Variants in SAMD3 observed in about 807,000 individuals in gnomAD.
SAMD3 encodes sterile alpha motif domain containing 3.
A neutral mutation model predicts 58.5 loss-of-function variants in SAMD3; 63 were observed. The ratio of observed to expected loss-of-function variants is 1.08; its 90% CI spans 0.88 to 1.33. The LOEUF is 1.33. Ranked by LOEUF, SAMD3 falls within the 40% of genes most tolerant of loss-of-function variation. The pLI, the probability that SAMD3 is intolerant of heterozygous loss-of-function variation, is 0.00. For synonymous variants in SAMD3, 220 were observed against 210.3 expected, an observed-to-expected ratio of 1.05 and a Z score of -0.40; for missense variants, 604 against 608.4, an observed-to-expected ratio of 0.99 and a Z score of 0.08.
chr6:130,325,259 T>C (rs1431757560), intron 1 of SAMD3, among the ~76,000 whole-genome samples: 1 of 152,140 alleles, frequency 6.6e-6, no homozygotes, highest in East Asian at 1.9e-4. Flanking sequence ...CAAGAGTCCC[T>C]TGATATGGTG....
chr6:130,188,256 G>A (rs1210411799), intron 5 of SAMD3, among the ~76,000 whole-genome samples: 1 of 152,170 alleles, frequency 6.6e-6, no homozygotes, highest in Non-Finnish European at 1.5e-5. Flanking sequence ...TTAAGAACGG[G>A]CTCAGGTGAG....
chr6:130,354,904 C>T (rs1323198298), intron 1 of SAMD3, among the ~76,000 whole-genome samples: 1 of 152,148 alleles, frequency 6.6e-6, no homozygotes, highest in Non-Finnish European at 1.5e-5. Context: ...GACCTGCTAA[C>T]CTTTTAAACC....
At chr6:130,265,256 T>C (rs1232323323) in intron 2 of SAMD3, among the ~76,000 whole-genome samples, 1 of 152,152 alleles carries the variant, frequency 6.6e-6, no homozygotes, top group Non-Finnish European at 1.5e-5. Flanking sequence ...TTTATTCTAG[T>C]GGGCCCAACC....
At chr6:130,237,771 T>G (rs1380043701) in intron 2 of SAMD3, among the ~76,000 whole-genome samples, 2 of 152,164 alleles carry the variant, frequency 1.3e-5, no homozygotes, top group Admixed American at 1.3e-4. Context: ...AACAAGGGAT[T>G]GTGTCTAAAA....
chr6:130,158,713 C>T (rs925996924), intron 8 of SAMD3, among the ~76,000 whole-genome samples: 2 of 152,134 alleles, frequency 1.3e-5, no homozygotes, highest in African/African-American at 4.8e-5. Flanking sequence ...CAACAAAAAT[C>T]AGATTTATTG....
intron 2 of SAMD3, among the ~76,000 whole-genome samples, chr6:130,245,600 C>T (rs1035475418): frequency 1.3e-5 from 2 of 152,214 alleles, no homozygotes; most frequent in Non-Finnish European, 2.9e-5. Context: ...TCTCTGAGTG[C>T]ACATTGGTGG....
intron 1 of SAMD3, among the ~76,000 whole-genome samples, chr6:130,343,052 A>G (rs1252440170): frequency 1.3e-5 from 2 of 151,990 alleles, no homozygotes; most frequent in Non-Finnish European, 2.9e-5. Flanking sequence ...AATCACTTCT[A>G]GAATTACTGA....
In SAMD3 at chr6:130,205,297, T is replaced by A. The variant is rs555971739; in HGVS notation, c.383+4198A>T. On this transcript the variant is annotated intron_variant, in intron 5 of 11. Coordinates refer to ENST00000439090, the MANE Select transcript of SAMD3 (RefSeq NM_001017373.4). ...ATCCCAAGTTCTATTTTATTATATTTTATTTTATTTTATTTTATTTTTTTG... is the reference window on the plus strand; with the variant it reads ...ATCCCAAGTTCTATTTTATTATATTATATTTTATTTTATTTTATTTTTTTG... Among the ~76,000 whole-genome samples the A allele has an allele frequency of 4.8e-3, 583 of 121,892 alleles. 4 individuals carry two copies. The highest frequency in any genetic ancestry group is 0.014 in the African/African-American group (402 of 27,952). The allele number at this position is 121,892 out of a possible 152,430, so 80.0% of individuals were successfully genotyped here. A position where few individuals can be genotyped will look rare whatever the true frequency, so the allele number is the denominator to read the frequency against.
chr6:130,334,551 T>C (rs1276177080), intron 1 of SAMD3, among the ~76,000 whole-genome samples: 1 of 152,222 alleles, frequency 6.6e-6, no homozygotes, highest in African/African-American at 2.4e-5. Flanking sequence ...ATTCTGCTAC[T>C]TGTTAAGGTC....
intron 1 of SAMD3, among the ~76,000 whole-genome samples, chr6:130,346,824 C>G (rs906177900): frequency 6.6e-6 from 1 of 152,054 alleles, no homozygotes; most frequent in Non-Finnish European, 1.5e-5. Flanking sequence ...CTGGGAGGCA[C>G]CCCCCCAGTA....
At chr6:130,332,189 A>T (rs1039095859) in intron 1 of SAMD3, among the ~76,000 whole-genome samples, 1 of 152,222 alleles carries the variant, frequency 6.6e-6, no homozygotes, top group African/African-American at 2.4e-5. Flanking sequence ...AGGGAAAGTT[A>T]TGAGATGAAT....
chr6:130,342,084 A>G (rs111611703), intron 1 of SAMD3, among the ~76,000 whole-genome samples: 16 of 152,294 alleles, frequency 1.1e-4, no homozygotes, highest in African/African-American at 3.6e-4. Context: ...AAAGACATCA[A>G]GTTGTCAGGA....
chr6:130,190,759 G>C (rs892482310), intron 5 of SAMD3, among the ~76,000 whole-genome samples: 8 of 151,898 alleles, frequency 5.3e-5, no homozygotes, highest in African/African-American at 1.9e-4. Flanking sequence ...CTTCTCCTCT[G>C]TGATCCATCA....
intron 1 of SAMD3, among the ~76,000 whole-genome samples, chr6:130,331,855 G>A (rs1405670523): frequency 6.6e-6 from 1 of 152,220 alleles, no homozygotes; most frequent in Non-Finnish European, 1.5e-5. Context: ...ATAGCATGGT[G>A]AGGTATGTAT....
At chr6:130,251,607 G>C (rs892485565) in intron 2 of SAMD3, among the ~76,000 whole-genome samples, 4 of 152,170 alleles carry the variant, frequency 2.6e-5, no homozygotes, top group African/African-American at 9.6e-5. Context: ...TGTTGGTCCA[G>C]CACAATTTGT....
At chr6:130,238,426 G>A (rs1011076349) in intron 2 of SAMD3, among the ~76,000 whole-genome samples, 2 of 152,044 alleles carry the variant, frequency 1.3e-5, no homozygotes, top group Admixed American at 6.6e-5. Flanking sequence ...GTTCTATCAA[G>A]TCAATTCTTT....
chr6:130,264,221 A>T (rs979626750), intron 2 of SAMD3, among the ~76,000 whole-genome samples: 1 of 152,190 alleles, frequency 6.6e-6, no homozygotes, highest in Admixed American at 6.5e-5. Context: ...TGGAGTAATA[A>T]GTCATGCCAA....
chr6:130,332,665 C>T (rs1776969838), intron 1 of SAMD3, among the ~76,000 whole-genome samples: 1 of 152,152 alleles, frequency 6.6e-6, no homozygotes, highest in African/African-American at 2.4e-5. Context: ...TGGAGATATG[C>T]AGCTAAGTAG....
intron 2 of SAMD3, chr6:130,215,510 A>G: frequency 7.5e-7 from 1 of 1,331,312 alleles, no homozygotes; most frequent in Non-Finnish European, 9.6e-7. Flanking sequence ...ATTTCCTAGC[A>G]TCCCATTTCT....
Sources: gnomAD v4.1 joint callset for allele counts (sites outside exome capture counted in the v4.1 genomes callset) on GRCh38, gnomAD v4.1.1 for gene constraint, MANE v1.5 for transcripts, NCBI Gene and HGNC (gene_info 2026-07-23, HGNC 2026-07-21) for gene names.